The following TGFB3 variants were observed in gnomAD, a reference collection of about 807,000 sequenced individuals.
TGFB3 encodes transforming growth factor beta-3 proprotein.
TGFB3 carries 5 observed loss-of-function variants against 40.1 expected under a neutral mutation model. The observed-to-expected ratio is 0.12, with a 90% CI of 0.07 to 0.26. TGFB3 has a LOEUF of 0.26. Among genes scored for constraint, TGFB3 ranks in the 10% least tolerant of loss-of-function variants. The pLI, the probability that TGFB3 is intolerant of heterozygous loss-of-function variation, is 1.00. For missense variants in TGFB3, 373 were observed against 530.1 expected, an observed-to-expected ratio of 0.70 and a Z score of 2.91; for synonymous variants, 184 against 205.6, an observed-to-expected ratio of 0.89 and a Z score of 0.90.
intron 4 of TGFB3, 88 bp from the exon 5 acceptor site, chr14:75,963,575 C>T: frequency 6.6e-7 from 1 of 1,517,894 alleles, no homozygotes; most frequent in East Asian, 2.2e-5. Flanking sequence ...CATCACTGCC[C>T]AGGAGGAGGG....
chr14:75,962,541 T>C (rs917826998), intron 5 of TGFB3, among the ~76,000 whole-genome samples: 17 of 152,232 alleles, frequency 1.1e-4, no homozygotes, highest in African/African-American at 4.1e-4. Context: ...TTCCTTTACC[T>C]GCAGTGCTTC....
intron 4 of TGFB3, among the ~76,000 whole-genome samples, chr14:75,964,594 C>G (rs1414107979): frequency 2.6e-5 from 4 of 152,180 alleles, no homozygotes; most frequent in African/African-American, 9.7e-5. Context: ...AATTAATTTA[C>G]ATAGCTACAG....
Position 75,968,604 on chromosome 14 carries a change from C to T in TGFB3, c.646+2522G>A, listed in dbSNP as rs4252352. On this transcript the variant is annotated intron_variant, in intron 3 of 6. Transcript: ENST00000238682. ...CAGGGAAGTTAAGAGATTAATTTCC[C>T]CAGCCCCTCCTTTCTGTAGCCGTCT... Among the ~76,000 whole-genome samples, 639 of 152,234 alleles carry T rather than the reference C, an allele frequency of 4.2e-3. 1 individual carries two copies. The highest frequency in any genetic ancestry group is 0.017 in the Middle Eastern group (5 of 294).
At chr14:75,963,917 G>A (rs531737029) in intron 4 of TGFB3, among the ~76,000 whole-genome samples, 115 of 152,198 alleles carry the variant, frequency 7.6e-4, no homozygotes, top group African/African-American at 2.2e-3. Flanking sequence ...CGCTCTGTTG[G>A]CCAGGCTGGA....
intron 3 of TGFB3, 53 bp from the exon 4 acceptor site, chr14:75,965,748 T>C: frequency 6.9e-7 from 1 of 1,439,806 alleles, no homozygotes; most frequent in South Asian, 1.1e-5. Flanking sequence ...GATGGGGAAG[T>C]GTGCCCACCA....
rs199778146 is a variant in TGFB3, at chr14:75,963,167, CTG to C, written c.926+147_926+148del. 0.016 allele frequency: 14,697 copies of C among 906,426 alleles called. 152 individuals carry two copies. Among genetic ancestry groups the C allele is most frequent in the Non-Finnish European group, 0.021 (11,850 of 559,946 alleles). The allele number at this position is 906,426 out of a possible 1,614,324, so 56.1% of individuals were successfully genotyped here. On this transcript the variant is annotated intron_variant, in intron 5 of 6. Coordinates refer to ENST00000238682, the MANE Select transcript of TGFB3 (RefSeq NM_003239.5). ...GAAAGAGATTTCACAGAGAAAATCTCTGTGAGAGATTTTCAGTCTTCTTCCTG... is the reference window on the plus strand; with the variant it reads ...GAAAGAGATTTCACAGAGAAAATCTCTGAGAGATTTTCAGTCTTCTTCCTG...
chr14:75,959,400 C>A (rs967413744), intron 6 of TGFB3, 55 bp from the exon 7 acceptor site: 34 of 1,609,316 alleles, frequency 2.1e-5, no homozygotes, highest in Non-Finnish European at 2.9e-5. Context: ...GGCCTGGAAC[C>A]CAGGAAGTCG....
At chr14:75,975,470 T>G (rs905925730) in intron 1 of TGFB3, among the ~76,000 whole-genome samples, 1 of 152,240 alleles carries the variant, frequency 6.6e-6, no homozygotes, top group African/African-American at 2.4e-5. Context: ...ATAATGATGT[T>G]TTAAGTAATC....
At chr14:75,965,986 G>T in intron 3 of TGFB3, 1 of 424,412 alleles carries the variant, frequency 2.4e-6, no homozygotes, top group Non-Finnish European at 4.4e-6. Flanking sequence ...TGAAAGGATG[G>T]TATTAAGAGA....
chr14:75,971,482 C>G lies in TGFB3; in HGVS notation c.516+73G>C, dbSNP rs2035291302. The G allele has an allele frequency of 6.3e-6, 10 of 1,598,624 alleles. No homozygotes were observed. Among genetic ancestry groups the G allele is most frequent in the Non-Finnish European group, 8.5e-6 (10 of 1,171,872 alleles). ...AACCCAGGTCTGCCAAACGCTGCACCCAGTGGTGCCCTGATATGGCAAAGG... is the reference window on the plus strand; with the variant it reads ...AACCCAGGTCTGCCAAACGCTGCACGCAGTGGTGCCCTGATATGGCAAAGG... On this transcript the variant is annotated intron_variant, in intron 2 of 6. Coordinates refer to ENST00000238682, the MANE Select transcript of TGFB3 (RefSeq NM_003239.5). The surrounding 1 kb of genome is among the most constrained non-coding windows in gnomAD (Gnocchi z 4.5).
At chr14:75,976,106 T>C (rs920320781) in intron 1 of TGFB3, among the ~76,000 whole-genome samples, 14 of 152,256 alleles carry the variant, frequency 9.2e-5, no homozygotes, top group Admixed American at 3.3e-4. Context: ...AACTGCCTTT[T>C]AAAATGTGTT....
chr14:75,974,897 C>G (rs1392048680), intron 1 of TGFB3, among the ~76,000 whole-genome samples: 1 of 152,016 alleles, frequency 6.6e-6, no homozygotes, highest in Non-Finnish European at 1.5e-5. Context: ...TTGAGACCAG[C>G]CTGGCCAACA....
chr14:75,974,317 T>G lies in TGFB3; in HGVS notation c.353-2599A>C, dbSNP rs74942743. ...ATCAATCATAATCTGCTCCCCAGGA[T>G]GAACACATCCTGGGGAGAATTTTAA... On this transcript the variant is annotated intron_variant, in intron 1 of 6. Transcript: ENST00000238682. Among the ~76,000 whole-genome samples, 713 of 152,106 alleles carry G rather than the reference T, an allele frequency of 4.7e-3. 6 individuals carry two copies. The highest frequency in any genetic ancestry group is 0.016 in the African/African-American group (656 of 41,490).
intron 6 of TGFB3, chr14:75,960,222 G>C (rs1313896729): frequency 6.6e-6 from 1 of 152,450 alleles, no homozygotes; most frequent in Non-Finnish European, 1.5e-5. Flanking sequence ...GATTACAGGC[G>C]TGAGCCACCG....
rs1354183748 is a variant in TGFB3 at position 75,979,314 on chromosome 14, C to G, written c.352+1228G>C. On this transcript the variant is annotated intron_variant, in intron 1 of 6. Transcript: ENST00000238682. The surrounding 1 kb of genome is among the most constrained non-coding windows in gnomAD (Gnocchi z 4.8). Reference sequence around the variant, plus strand: ...TCTCTCCAGCCAGGTTCCTTTCACCCCTTGCTGTGTGCTCTGCTGACCACC... The same window carrying G: ...TCTCTCCAGCCAGGTTCCTTTCACCGCTTGCTGTGTGCTCTGCTGACCACC... Among the ~76,000 whole-genome samples, 1 of 152,140 alleles carries G rather than the reference C, an allele frequency of 6.6e-6. No individual in the cohort carries two copies. The highest frequency in any genetic ancestry group is 2.4e-5 in the African/African-American group (1 of 41,436).
At position 75,981,956 on chromosome 14, in the gene TGFB3, C is replaced by CCA. The variant is rs753810933; in HGVS notation, c.-1064_-1063insTG. Among the ~76,000 whole-genome samples, 14 of 151,372 alleles carry CCA rather than the reference C, an allele frequency of 9.2e-5. No homozygotes were observed. The highest frequency in any genetic ancestry group is 1.8e-4 in the Non-Finnish European group (12 of 67,848). On this transcript the variant is annotated 5_prime_UTR_variant, in exon 1 of 7. The change creates a premature stop within an existing upstream ORF in the 5' untranslated region. Coordinates refer to ENST00000238682, the MANE Select transcript of TGFB3 (RefSeq NM_003239.5). This position sits in a 1 kb window ranked among gnomAD's most constrained non-coding sequence, Gnocchi z 4.7. ...TCTCCCTCTCCCTCTCGCTCCTCTCCCTCTCTCTCTCACACACACACACAT... is the reference window on the plus strand; with the variant it reads ...TCTCCCTCTCCCTCTCGCTCCTCTCCCACTCTCTCTCTCACACACACACACAT...
At chr14:75,974,380 T>A (rs2035328039) in intron 1 of TGFB3, among the ~76,000 whole-genome samples, 1 of 152,086 alleles carries the variant, frequency 6.6e-6, no homozygotes, top group Non-Finnish European at 1.5e-5. Flanking sequence ...ATTTTTCTAT[T>A]ACTGGGATAT....
chr14:75,979,231 G>A lies in TGFB3; in HGVS notation c.352+1311C>T, dbSNP rs1439968231. ...CTCTGCCTGGCGTGGAGCCGTGAAC[G>A]GGGCCTTTGCACCTCCAGCCAGAGC... is the stretch of plus-strand genomic sequence containing the variant. On this transcript the variant is annotated intron_variant, in intron 1 of 6. Transcript: ENST00000238682. The surrounding 1 kb of genome is among the most constrained non-coding windows in gnomAD (Gnocchi z 4.8). Among the ~76,000 whole-genome samples the A allele has an allele frequency of 6.6e-6, 1 of 152,146 alleles. No individual in the cohort carries two copies. The highest frequency in any genetic ancestry group is 1.5e-5 in the Non-Finnish European group (1 of 68,004).
At chr14:75,982,427 A>T (rs3759736), upstream of TGFB3, among the ~76,000 whole-genome samples, 3 of 152,158 alleles carry the variant, frequency 2.0e-5, no homozygotes, top group Admixed American at 1.3e-4. This position sits in a 1 kb window ranked among gnomAD's most constrained non-coding sequence, Gnocchi z 4.0. Context: ...AGGGGCGGCC[A>T]TGCCAGCCTC....
Sources: gnomAD v4.1 joint callset for allele counts (sites outside exome capture counted in the v4.1 genomes callset) on GRCh38, gnomAD v4.1.1 for gene constraint, Gnocchi (gnomAD v3.1) non-coding constraint, MANE v1.5 for transcripts, NCBI Gene and HGNC (gene_info 2026-07-23, HGNC 2026-07-21) for gene names.